The following FBXO34 variants were observed in gnomAD, a reference collection of about 807,000 sequenced individuals.
FBXO34 encodes F-box only protein 34.
Under a neutral mutation model 24.5 loss-of-function variants are expected in FBXO34, and 12 were observed. The observed-to-expected ratio is 0.49, with a 90% CI of 0.31 to 0.79. The LOEUF (loss-of-function observed/expected upper bound fraction) is 0.79. Among genes scored for constraint, FBXO34 ranks in the 30% least tolerant of loss-of-function variants. FBXO34 has a pLI of 0.04. For synonymous variants in FBXO34, 320 were observed against 311.9 expected (o/e 1.03, Z -0.27); for missense variants, 823 against 857.7 (o/e 0.96, Z 0.51).
chr14:55,370,473 ATGT>A (rs1240896264), downstream of FBXO34, among the ~76,000 whole-genome samples: 3 of 152,194 alleles, frequency 2.0e-5, no homozygotes, highest in Admixed American at 6.5e-5. Flanking sequence ...TTCAGAGGCA[ATGT>A]TGTATATTTC....
At chr14:55,337,020 G>C (rs1235413682) in intron 1 of FBXO34, among the ~76,000 whole-genome samples, 1 of 149,592 alleles carries the variant, frequency 6.7e-6, no homozygotes, top group African/African-American at 2.5e-5. Flanking sequence ...CTGTCGCCCA[G>C]GCTAGAGTGC....
rs1242602423 is a variant in FBXO34, at chr14:55,352,134, A to T, written c.1744A>T (p.Ile582Phe). The change falls in exon 2 of 2, where the codon ATT (isoleucine) becomes TTT (phenylalanine). Residue 582 changes from isoleucine to phenylalanine, a missense_variant. This residue lies in a region of FBXO34 where 130 missense variants were observed against 198.6 expected (regional missense o/e 0.65). Coordinates refer to ENST00000313833, the MANE Select transcript of FBXO34 (RefSeq NM_017943.4). The stretch of plus-strand genomic sequence containing the variant: ...GTACATGGCTTTTCTGCCCCACCAC[A>T]TTATGGTAAAAATCTTCAGGTTACT... ...QQYMAFLPHH[I>F]MVKIFRLLPT... is the part of the protein sequence containing the mutation. 6.2e-7 allele frequency: 1 copy of T among 1,614,038 alleles called. No individual in the cohort carries two copies. The highest frequency in any genetic ancestry group is 8.5e-7 in the Non-Finnish European group (1 of 1,180,016).
At chr14:55,436,859 C>G in the FBXO34 span, 1 of 1,614,216 alleles carries the variant, frequency 6.2e-7, no homozygotes, top group South Asian at 1.1e-5. Flanking sequence ...GTAACTTCAT[C>G]TGGTAGGAAG....
chr14:55,329,523 G>GT (rs1883463425), intron 1 of FBXO34, among the ~76,000 whole-genome samples: 2 of 152,098 alleles, frequency 1.3e-5, no homozygotes, highest in African/African-American at 4.8e-5. Context: ...CAGGTTTTAT[G>GT]TTTCTTGACA....
downstream of FBXO34, among the ~76,000 whole-genome samples, chr14:55,371,801 C>T (rs997194200): frequency 6.6e-6 from 1 of 151,952 alleles, no homozygotes; most frequent in Non-Finnish European, 1.5e-5. Context: ...GAGACTCTGT[C>T]TCAAAAAACA....
At chr14:55,400,690 G>A in the FBXO34 span, among the ~76,000 whole-genome samples, 2 of 152,124 alleles carry the variant, frequency 1.3e-5, no homozygotes, top group Non-Finnish European at 2.9e-5. Context: ...ATCACCTGAG[G>A]TCAGGAGTTC....
chr14:55,354,183 T>G (rs1884484534), downstream of FBXO34, among the ~76,000 whole-genome samples: 1 of 152,182 alleles, frequency 6.6e-6, no homozygotes, highest in African/African-American at 2.4e-5. Flanking sequence ...TGAGAATAGC[T>G]TTTCCTTCAA....
chr14:55,424,108 A>C, the FBXO34 span: 1 of 1,288,504 alleles, frequency 7.8e-7, no homozygotes, highest in Non-Finnish European at 1.1e-6. Flanking sequence ...TAAGCAAAGC[A>C]CATGCATAGC....
intron 1 of FBXO34, among the ~76,000 whole-genome samples, chr14:55,323,201 A>T (rs373435977): frequency 0.26 from 10,902 of 41,536 alleles, 2,022 homozygotes; most frequent in Non-Finnish European, 0.28. Flanking sequence ...AAAAAAAAAA[A>T]AAAAAAAAAA....
At chr14:55,411,698 C>T in the FBXO34 span, 2 of 1,612,756 alleles carry the variant, frequency 1.2e-6, no homozygotes, top group Non-Finnish European at 1.7e-6. Flanking sequence ...CAGCGGGCAG[C>T]GCTCCACAGC....
intron 1 of FBXO34, among the ~76,000 whole-genome samples, chr14:55,295,679 A>C (rs1042257429): frequency 9.9e-5 from 15 of 152,280 alleles, no homozygotes; most frequent in African/African-American, 2.9e-4. Flanking sequence ...TATAGGCATG[A>C]GCCACTGCGC....
the FBXO34 span, among the ~76,000 whole-genome samples, chr14:55,391,671 C>A: frequency 2.0e-5 from 3 of 152,090 alleles, no homozygotes; most frequent in African/African-American, 4.8e-5. Context: ...ACTCACACCA[C>A]CCTCATGTCA....
At chr14:55,440,679 G>T in the FBXO34 span, 9 of 1,062,274 alleles carry the variant, frequency 8.5e-6, no homozygotes, top group South Asian at 3.4e-5. Flanking sequence ...CTGGGAAGCG[G>T]AGATGGGCTA....
At chr14:55,432,623 A>G in the FBXO34 span, among the ~76,000 whole-genome samples, 15 of 152,390 alleles carry the variant, frequency 9.8e-5, no homozygotes, top group East Asian at 2.9e-3. Flanking sequence ...AGTAAATCAA[A>G]GAAATGTAAA....
At chr14:55,411,854 A>G in the FBXO34 span, 10 of 1,547,756 alleles carry the variant, frequency 6.5e-6, no homozygotes, top group Admixed American at 1.6e-4. Flanking sequence ...GTCACGTGGG[A>G]TTTTGTTTTC....
At chr14:55,362,121 CTT>C (rs903494967), downstream of FBXO34, among the ~76,000 whole-genome samples, 22 of 152,292 alleles carry the variant, frequency 1.4e-4, no homozygotes, top group African/African-American at 4.6e-4. Flanking sequence ...ACATGGGACT[CTT>C]TCATTTGAAC....
At chr14:55,395,930 T>A in the FBXO34 span, 8 of 1,574,214 alleles carry the variant, frequency 5.1e-6, no homozygotes, top group Non-Finnish European at 6.0e-6. Flanking sequence ...GAACATGTAT[T>A]ACAACTTACC....
chr14:55,399,913 A>C, the FBXO34 span, among the ~76,000 whole-genome samples: 3 of 152,180 alleles, frequency 2.0e-5, no homozygotes, highest in Non-Finnish European at 4.4e-5. Flanking sequence ...GACTTTGTTA[A>C]AAACACAAAA....
At chr14:55,435,905 C>T in the FBXO34 span, 1 of 1,582,634 alleles carries the variant, frequency 6.3e-7, no homozygotes, top group Non-Finnish European at 8.5e-7. Context: ...ATCCAACTTA[C>T]AGGCCAGGTT....
Sources: allele counts gnomAD v4.1 joint callset (sites outside exome capture counted in the v4.1 genomes callset), GRCh38; gene constraint gnomAD v4.1.1; regional missense constraint gnomAD v4.1.1; transcripts MANE v1.5; gene names NCBI Gene and HGNC (gene_info 2026-07-23, HGNC 2026-07-21).